The following SDCCAG8 variants were observed in gnomAD, a reference collection of about 807,000 sequenced individuals.
SDCCAG8 encodes the protein SHH signaling and ciliogenesis regulator SDCCAG8.
Under a neutral mutation model 101.8 loss-of-function variants are expected in SDCCAG8, and 74 were observed. The observed-to-expected ratio is 0.73, with a 90% CI of 0.60 to 0.88. The LOEUF (loss-of-function observed/expected upper bound fraction) is 0.88, where lower values mean the gene tolerates loss of function less well. Among genes scored for constraint, SDCCAG8 ranks in the 40% least tolerant of loss-of-function variants. The pLI, the probability that SDCCAG8 is intolerant of heterozygous loss-of-function variation, is 0.00. For missense variants in SDCCAG8, 787 were observed against 822.6 expected (o/e 0.96, Z 0.53); for synonymous variants, 281 against 292.9 (o/e 0.96, Z 0.41).
intron 11 of SDCCAG8, among the ~76,000 whole-genome samples, chr1:243,343,396 T>C (rs2075500704): frequency 6.6e-6 from 1 of 152,214 alleles, no homozygotes; most frequent in Non-Finnish European, 1.5e-5. Context: ...ATCTGCTAAT[T>C]ACACTTTTCA....
chr1:243,395,985 C>A (rs1045022620), intron 13 of SDCCAG8, among the ~76,000 whole-genome samples: 1 of 151,966 alleles, frequency 6.6e-6, no homozygotes, highest in Non-Finnish European at 1.5e-5. Flanking sequence ...ATAAAAGCAG[C>A]CTTATGAATG....
At chr1:243,281,913 T>C (rs968806862) in intron 4 of SDCCAG8, among the ~76,000 whole-genome samples, 7 of 152,218 alleles carry the variant, frequency 4.6e-5, no homozygotes, top group African/African-American at 9.6e-5. Flanking sequence ...TCCAAAGTGC[T>C]GGGCTTACGA....
At chr1:243,280,457 T>C (rs150457532) in intron 4 of SDCCAG8, among the ~76,000 whole-genome samples, 1 of 152,292 alleles carries the variant, frequency 6.6e-6, no homozygotes, top group African/African-American at 2.4e-5. Flanking sequence ...TAATTTTTAT[T>C]ATATGTTCTT....
chr1:243,330,492 T>A (rs780867281), intron 9 of SDCCAG8, 48 bp from the exon 10 acceptor site: 25 of 1,602,310 alleles, frequency 1.6e-5, no homozygotes, highest in Non-Finnish European at 2.0e-5. Flanking sequence ...TTTACCTATA[T>A]TTTTTCCAAA....
At position 243,295,754 on chromosome 1, in the gene SDCCAG8, T is replaced by C. The variant is rs1029577098; in HGVS notation, c.675+2535T>C. 7.9e-5 allele frequency among the ~76,000 whole-genome samples: 12 copies of C among 152,328 alleles called. No homozygotes were observed. The East Asian group carries it at 2.1e-3, about 27-fold the overall frequency. ...GTTGAAATGCGCCCTCTCATTCTGC[T>C]TTCCCGAATAGCATGTTTTCTCTCT... is the stretch of plus-strand genomic sequence containing the variant. On this transcript the variant is annotated intron_variant, in intron 6 of 17. Coordinates refer to ENST00000366541, the MANE Select transcript of SDCCAG8 (RefSeq NM_006642.5).
intron 16 of SDCCAG8, among the ~76,000 whole-genome samples, chr1:243,434,881 A>T (rs770357829): frequency 2.0e-5 from 3 of 152,194 alleles, no homozygotes; most frequent in Non-Finnish European, 4.4e-5. Context: ...AGCTGGGACA[A>T]GGCAGCTGCT....
At chr1:243,471,496 A>C (rs1661258909) in intron 16 of SDCCAG8, among the ~76,000 whole-genome samples, 1 of 152,148 alleles carries the variant, frequency 6.6e-6, no homozygotes, top group Non-Finnish European at 1.5e-5. Flanking sequence ...ATAATGCCCC[A>C]GTCCTCTTCT....
chr1:243,370,505 T>C (rs1050707884), intron 12 of SDCCAG8, among the ~76,000 whole-genome samples: 2 of 152,174 alleles, frequency 1.3e-5, no homozygotes, highest in East Asian at 3.9e-4. Context: ...AGAGTTGTAA[T>C]GATTCTTTTG....
chr1:243,328,291 T>C (rs568165126), intron 9 of SDCCAG8, among the ~76,000 whole-genome samples: 3 of 148,670 alleles, frequency 2.0e-5, no homozygotes, highest in Non-Finnish European at 3.0e-5. Context: ...TTTTGTGTGT[T>C]TTTTGGGGAC....
chr1:243,495,169 G>A (rs1007693654), intron 17 of SDCCAG8, among the ~76,000 whole-genome samples: 26 of 152,232 alleles, frequency 1.7e-4, no homozygotes, highest in Non-Finnish European at 7.3e-5. Context: ...TGCGCCCTGG[G>A]GAGGACAGGT....
chr1:243,350,217 T>C (rs540685169), intron 12 of SDCCAG8, among the ~76,000 whole-genome samples: 1 of 150,402 alleles, frequency 6.6e-6, no homozygotes, highest in Admixed American at 6.6e-5. Context: ...TTTTCTTTCT[T>C]TTTTTTTTTG....
chr1:243,422,195 C>T (rs2081056128), intron 15 of SDCCAG8, among the ~76,000 whole-genome samples: 1 of 152,202 alleles, frequency 6.6e-6, no homozygotes, highest in Non-Finnish European at 1.5e-5. Context: ...GGACTGATGT[C>T]TAACACTGCC....
At chr1:243,375,000 T>C (rs2077515450) in intron 12 of SDCCAG8, among the ~76,000 whole-genome samples, 1 of 152,104 alleles carries the variant, frequency 6.6e-6, no homozygotes, top group Admixed American at 6.6e-5. Flanking sequence ...AATAAAATGA[T>C]ACATAAGAAA....
At chr1:243,408,175 G>C (rs2079917638) in intron 13 of SDCCAG8, among the ~76,000 whole-genome samples, 1 of 152,176 alleles carries the variant, frequency 6.6e-6, no homozygotes, top group Non-Finnish European at 1.5e-5. Context: ...CCGTCTTTTA[G>C]TAGTTGATCA....
chr1:243,347,922 G>T (rs1213059346), intron 12 of SDCCAG8, among the ~76,000 whole-genome samples: 1 of 151,758 alleles, frequency 6.6e-6, no homozygotes, highest in African/African-American at 2.4e-5. Context: ...AAGCAGGAAA[G>T]AAGTGATATT....
chr1:243,275,555 T>C lies in SDCCAG8; in HGVS notation c.420+899T>C, dbSNP rs1043966942. 8.7e-4 allele frequency among the ~76,000 whole-genome samples: 132 copies of C among 152,340 alleles called. 1 individual carries two copies. The highest frequency in any genetic ancestry group is 3.0e-3 in the African/African-American group (124 of 41,588). ...TTCTTGGAGGACACAGTTATTAATATACACGTGGTCCTGGATTACCAGTAA... is the reference window on the plus strand; with the variant it reads ...TTCTTGGAGGACACAGTTATTAATACACACGTGGTCCTGGATTACCAGTAA... On this transcript the variant is annotated intron_variant, in intron 4 of 17. Coordinates refer to ENST00000366541, the MANE Select transcript of SDCCAG8 (RefSeq NM_006642.5).
chr1:243,275,148 A>G (rs1269130335), intron 4 of SDCCAG8, among the ~76,000 whole-genome samples: 2 of 152,200 alleles, frequency 1.3e-5, no homozygotes, highest in Admixed American at 1.3e-4. Flanking sequence ...AAGAAACCAA[A>G]CACATCATAT....
chr1:243,414,806 T>G (rs1359351968), intron 13 of SDCCAG8, among the ~76,000 whole-genome samples: 1 of 151,966 alleles, frequency 6.6e-6, no homozygotes, highest in Non-Finnish European at 1.5e-5. Context: ...AACCCTAATA[T>G]CACTTACCCA....
intron 13 of SDCCAG8, among the ~76,000 whole-genome samples, 162 bp downstream of exon 13, chr1:243,379,025 C>T (rs1319429044): frequency 1.3e-5 from 2 of 152,204 alleles, no homozygotes; most frequent in South Asian, 2.1e-4. Context: ...AACACCCAGA[C>T]ATGTGAATGA....
Sources: gnomAD v4.1 joint callset for allele counts (sites outside exome capture counted in the v4.1 genomes callset) on GRCh38, gnomAD v4.1.1 for gene constraint, MANE v1.5 for transcripts, NCBI Gene and HGNC (gene_info 2026-07-23, HGNC 2026-07-21) for gene names.